The following CSMD1 variants were observed in gnomAD, a reference collection of about 807,000 sequenced individuals.
CSMD1 encodes the protein CUB and Sushi multiple domains 1.
Under a neutral mutation model 417.5 loss-of-function variants are expected in CSMD1, and 213 were observed. That is an observed-to-expected ratio of 0.51 (90% confidence interval 0.46 to 0.57). The LOEUF is 0.57. Among genes scored for constraint, CSMD1 ranks in the 20% least tolerant of loss-of-function variants. CSMD1 has a pLI of 0.00. For missense variants in CSMD1, 6,923 were observed against 4,529.7 expected (o/e 1.53, Z -15.17); for synonymous variants, 2,862 against 1,736.8 (o/e 1.65, Z -16.11).
At chr8:4,286,626 C>T (rs375220441) in intron 3 of CSMD1, among the ~76,000 whole-genome samples, 1 of 151,968 alleles carries the variant, frequency 6.6e-6, no homozygotes, top group East Asian at 1.9e-4. Flanking sequence ...CACTTGACCT[C>T]GAAGAAAGGT....
chr8:4,631,700 C>T (rs1052909878), intron 2 of CSMD1, among the ~76,000 whole-genome samples: 1 of 152,104 alleles, frequency 6.6e-6, no homozygotes, highest in Non-Finnish European at 1.5e-5. Flanking sequence ...ACTGGAAAAC[C>T]TATTCTATTT....
intron 1 of CSMD1, among the ~76,000 whole-genome samples, chr8:4,683,619 A>G (rs1806182412): frequency 6.6e-6 from 1 of 152,214 alleles, no homozygotes; most frequent in African/African-American, 2.4e-5. Context: ...AGTTGAGGAA[A>G]TGACGAGGAA....
At chr8:3,537,665 A>G (rs1237711651) in intron 10 of CSMD1, among the ~76,000 whole-genome samples, 2 of 152,234 alleles carry the variant, frequency 1.3e-5, no homozygotes, top group African/African-American at 2.4e-5. Flanking sequence ...GGCAAATTAC[A>G]TATATTCATT....
At chr8:3,584,153 T>C (rs1800500634) in intron 9 of CSMD1, among the ~76,000 whole-genome samples, 1 of 152,132 alleles carries the variant, frequency 6.6e-6, no homozygotes, top group African/African-American at 2.4e-5. Context: ...TAAGAACTAA[T>C]AAGAACTGAA....
In CSMD1 at chr8:3,408,278, G is replaced by A. The variant is rs1739031788; in HGVS notation, c.1745-53C>T. 8.6e-6 allele frequency: 12 copies of A among 1,401,528 alleles called. No individual in the cohort carries two copies. The South Asian group carries it at 1.5e-4, about 18-fold the overall frequency. The allele number at this position is 1,401,528 out of a possible 1,614,324, so 86.8% of individuals were successfully genotyped here. A position where few individuals can be genotyped will look rare whatever the true frequency, so the allele number is the denominator to read the frequency against. ...CAGTTATGCACATATCCAAAGAATT[G>A]CCATGTGAAACAGACAGCTAAGAAC... On this transcript the variant is annotated intron_variant, in intron 13 of 69. Transcript: ENST00000635120.
chr8:2,993,185 G>A (rs935511632), intron 54 of CSMD1, among the ~76,000 whole-genome samples: 3 of 152,014 alleles, frequency 2.0e-5, no homozygotes, highest in South Asian at 2.1e-4. Flanking sequence ...GAAATTTTAC[G>A]TGCGTTTTAA....
At chr8:3,842,057 G>C (rs1006224725) in intron 5 of CSMD1, among the ~76,000 whole-genome samples, 1 of 152,130 alleles carries the variant, frequency 6.6e-6, no homozygotes, top group Non-Finnish European at 1.5e-5. Context: ...TCTTAATTCT[G>C]ATAGTTAATA....
chr8:3,704,313 C>T (rs752985486), intron 7 of CSMD1, among the ~76,000 whole-genome samples: 4 of 152,050 alleles, frequency 2.6e-5, no homozygotes, highest in African/African-American at 9.7e-5. Context: ...GCGTGATTAG[C>T]GAGCTCCCAG....
At chr8:4,030,323 C>G (rs1019225453) in intron 4 of CSMD1, among the ~76,000 whole-genome samples, 1 of 152,228 alleles carries the variant, frequency 6.6e-6, no homozygotes, top group African/African-American at 2.4e-5. Flanking sequence ...ATCTGGACAT[C>G]TAGGAATTTC....
chr8:3,548,104 G>A (rs1798752839), intron 10 of CSMD1, among the ~76,000 whole-genome samples: 1 of 152,110 alleles, frequency 6.6e-6, no homozygotes, highest in African/African-American at 2.4e-5. Flanking sequence ...AAAATACCGT[G>A]CTCAGAAGAG....
At chr8:4,010,812 C>A (rs780770828) in intron 4 of CSMD1, among the ~76,000 whole-genome samples, 7 of 152,184 alleles carry the variant, frequency 4.6e-5, no homozygotes, top group Non-Finnish European at 8.8e-5. Context: ...AGTAAAACAC[C>A]TTTGGTTCCA....
chr8:3,136,997 T>C (rs1216096070), intron 41 of CSMD1, among the ~76,000 whole-genome samples: 1 of 152,214 alleles, frequency 6.6e-6, no homozygotes, highest in Non-Finnish European at 1.5e-5. Flanking sequence ...CACATATTCA[T>C]GGGGTACATA....
chr8:4,932,147 T>C (rs73510092), intron 1 of CSMD1, among the ~76,000 whole-genome samples: 5,282 of 152,308 alleles, frequency 0.035, 281 homozygotes, highest in African/African-American at 0.12. Flanking sequence ...TGCTTCTAGA[T>C]AAATTGATTA....
intron 4 of CSMD1, among the ~76,000 whole-genome samples, chr8:4,030,967 T>G (rs115874841): frequency 0.01 from 1,529 of 152,264 alleles, 31 homozygotes; most frequent in African/African-American, 0.035. Flanking sequence ...AGAATCACCT[T>G]TGGTCCAGTT....
intron 5 of CSMD1, among the ~76,000 whole-genome samples, chr8:3,871,865 T>G (rs754693315): frequency 6.6e-6 from 1 of 152,192 alleles, no homozygotes; most frequent in African/African-American, 2.4e-5. Flanking sequence ...AACTCCCTTC[T>G]GAAAGAAAAT....
intron 1 of CSMD1, among the ~76,000 whole-genome samples, chr8:4,823,821 G>A (rs1799656097): frequency 6.6e-6 from 1 of 151,940 alleles, no homozygotes; most frequent in South Asian, 2.1e-4. Flanking sequence ...GAAAAAGAAA[G>A]CTCACAGAGG....
intron 1 of CSMD1, among the ~76,000 whole-genome samples, chr8:4,642,600 C>T (rs1382021604): frequency 4.6e-5 from 7 of 152,100 alleles, no homozygotes; most frequent in African/African-American, 1.7e-4. Context: ...TTCTCTCAGT[C>T]CTGGGCTGGG....
At position 3,230,690 on chromosome 8, in the gene CSMD1, C is replaced by T. The variant is rs181920076; in HGVS notation, c.4154-459G>A. Among the ~76,000 whole-genome samples the T allele has an allele frequency of 5.3e-5, 8 of 152,180 alleles. No individual in the cohort carries two copies. The East Asian group carries it at 1.4e-3, about 26-fold the overall frequency. ...TGATCCAATAACCTTTGTTGAGATGCCAAGGGTGGAAGGTCTAGAGGAGAT... is the reference window on the plus strand; with the variant it reads ...TGATCCAATAACCTTTGTTGAGATGTCAAGGGTGGAAGGTCTAGAGGAGAT... On this transcript the variant is annotated intron_variant, in intron 26 of 69. Coordinates refer to ENST00000635120, the MANE Select transcript of CSMD1 (RefSeq NM_033225.6).
chr8:4,869,959 T>C (rs1157098323), intron 1 of CSMD1, among the ~76,000 whole-genome samples: 1 of 152,076 alleles, frequency 6.6e-6, no homozygotes, highest in East Asian at 1.9e-4. Flanking sequence ...AATCTTATAA[T>C]TGGTTAAGGT....
Sources: allele counts gnomAD v4.1 joint callset (sites outside exome capture counted in the v4.1 genomes callset), GRCh38; gene constraint gnomAD v4.1.1; transcripts MANE v1.5; gene names NCBI Gene and HGNC (gene_info 2026-07-23, HGNC 2026-07-21).